The following EHMT1 variants were observed in gnomAD, a reference collection of about 807,000 sequenced individuals.
EHMT1 encodes histone-lysine N-methyltransferase EHMT1.
In EHMT1, 15 loss-of-function variants were observed where a neutral mutation model predicts 147.2. That is an observed-to-expected ratio of 0.10 (90% CI 0.07 to 0.16). The LOEUF (loss-of-function observed/expected upper bound fraction) is 0.16, where lower values mean the gene tolerates loss of function less well. Among genes scored for constraint, EHMT1 ranks in the 10% least tolerant of loss-of-function variants. EHMT1 has a pLI of 1.00. For missense variants in EHMT1, 1,587 were observed against 1,772.4 expected (o/e 0.90, Z 1.88); for synonymous variants, 795 against 709.6 (o/e 1.12, Z -1.91).
chr9:137,832,411 C>T (rs1441769112), intron 25 of EHMT1, among the ~76,000 whole-genome samples: 6 of 150,914 alleles, frequency 4.0e-5, no homozygotes, highest in African/African-American at 1.5e-4. Context: ...CCGCCTCCCA[C>T]GTGGCCACTG....
intron 4 of EHMT1, among the ~76,000 whole-genome samples, chr9:137,733,469 A>G (rs1380408090): frequency 6.6e-6 from 1 of 152,194 alleles, no homozygotes; most frequent in Non-Finnish European, 1.5e-5. Context: ...TGATGTAACT[A>G]TTTTGGAACT....
intron 1 of EHMT1, among the ~76,000 whole-genome samples, chr9:137,706,312 C>T (rs1424323416): frequency 6.6e-6 from 1 of 152,220 alleles, no homozygotes; most frequent in African/African-American, 2.4e-5. Flanking sequence ...AGTTTGCTCA[C>T]TCCAGCTAGG....
intron 1 of EHMT1, among the ~76,000 whole-genome samples, chr9:137,631,961 G>A (rs551624825): frequency 6.6e-6 from 1 of 152,308 alleles, no homozygotes; most frequent in Non-Finnish European, 1.5e-5. Context: ...TAGTAGGGTA[G>A]TGCACTGCCT....
intron 22 of EHMT1, 58 bp downstream of exon 22, chr9:137,814,566 C>CA (rs1289151298): frequency 1.9e-6 from 3 of 1,573,646 alleles, no homozygotes; most frequent in Non-Finnish European, 2.6e-6. Flanking sequence ...TCCGGGTCTG[C>CA]AAAAACAGTG....
chr9:137,668,691 T>A (rs539399601), intron 1 of EHMT1, among the ~76,000 whole-genome samples: 2 of 152,126 alleles, frequency 1.3e-5, no homozygotes, highest in Non-Finnish European at 2.9e-5. Context: ...CTGTTCTCTG[T>A]TGTCTTTCGT....
chr9:137,659,817 TC>T (rs112034813), intron 1 of EHMT1, among the ~76,000 whole-genome samples: 5 of 152,202 alleles, frequency 3.3e-5, no homozygotes, highest in African/African-American at 1.2e-4. Context: ...GCTCAAGTGA[TC>T]CGCCCACCTC....
chr9:137,653,930 T>A (rs889961885), intron 1 of EHMT1, among the ~76,000 whole-genome samples: 1 of 152,204 alleles, frequency 6.6e-6, no homozygotes, highest in Non-Finnish European at 1.5e-5. Context: ...TCAGAAGGTA[T>A]CCCCATTGCT....
intron 1 of EHMT1, among the ~76,000 whole-genome samples, chr9:137,647,265 G>A (rs1844963036): frequency 6.6e-6 from 1 of 152,106 alleles, no homozygotes; most frequent in Admixed American, 6.5e-5. Context: ...CGTGCCCCAG[G>A]CTGACCTCTT....
In EHMT1 at chr9:137,812,349, C is replaced by CA. The variant is rs562747024; in HGVS notation, c.2868-651dup. On this transcript the variant is annotated intron_variant, in intron 19 of 26. Coordinates refer to ENST00000460843, the MANE Select transcript of EHMT1 (RefSeq NM_024757.5). ...GTGAGATTCTGTCTCAAAAAAAACC[C>CA]AAAAAACAAAAAAAGCTTGAGACCT... 1.3e-4 allele frequency among the ~76,000 whole-genome samples: 20 copies of CA among 151,004 alleles called. No homozygotes were observed. In the East Asian group the frequency reaches 3.5e-3, roughly 26 times the overall value.
chr9:137,703,844 C>T (rs1284323672), intron 1 of EHMT1, among the ~76,000 whole-genome samples: 1 of 152,112 alleles, frequency 6.6e-6, no homozygotes, highest in Non-Finnish European at 1.5e-5. Flanking sequence ...CCTACTTCTC[C>T]AGTACCAATT....
Position 137,731,941 on chromosome 9 carries a change from G to A in EHMT1, c.823+3412G>A, listed in dbSNP as rs1947147350. ...AGCAGTTTACACTGCAGGCGCTGGC[G>A]TCTAGATGAGGGGAACACGGTGGTG... On this transcript the variant is annotated intron_variant, in intron 4 of 26. Transcript: ENST00000460843. This position sits in a 1 kb window ranked among gnomAD's most constrained non-coding sequence, Gnocchi z 4.3. 6.6e-6 allele frequency among the ~76,000 whole-genome samples: 1 copy of A among 152,222 alleles called. No individual in the cohort carries two copies. Among genetic ancestry groups the A allele is most frequent in the African/African-American group, 2.4e-5 (1 of 41,462 alleles).
chr9:137,790,876 A>G lies in EHMT1; in HGVS notation c.2411A>G (p.Glu804Gly). The G allele has an allele frequency of 1.2e-6, 2 of 1,614,176 alleles. No homozygotes were observed. Among genetic ancestry groups the G allele is most frequent in the South Asian group, 2.2e-5 (2 of 91,076 alleles). ...QAGANIDTCS[E>G]DQRTPLMEAA... ...GGCGCTAATATTGACACCTGCTCAG[A>G]AGACCAGAGGACCCCGTTGATGGAA... The change falls in exon 16 of 27, where the codon GAA becomes GGA. Residue 804 changes from glutamate to glycine, a missense_variant. By Grantham distance (98) the Glu-to-Gly change is moderately conservative. Transcript: ENST00000460843.
Position 137,649,754 on chromosome 9 carries a change from G to A in EHMT1, c.21+30705G>A, listed in dbSNP as rs144113277. On this transcript the variant is annotated intron_variant, in intron 1 of 26. Transcript: ENST00000460843. The stretch of plus-strand genomic sequence containing the variant: ...CACCACCGGAGCTGGAAGAGGCAAG[G>A]AAGTGCTCTTTTCCTGGAGCCTTCA... 3.8e-3 allele frequency among the ~76,000 whole-genome samples: 585 copies of A among 152,312 alleles called. 2 individuals carry two copies. The highest frequency in any genetic ancestry group is 6.7e-3 in the Non-Finnish European group (459 of 68,022).
In EHMT1 at chr9:137,716,668, C is replaced by T. The variant is rs79514677; in HGVS notation, c.128C>T (p.Ala43Val). Reference protein sequence around the residue: ...AADEGSAEKQAGEAHMAADGE... With the variant: ...AADEGSAEKQVGEAHMAADGE... The stretch of plus-strand genomic sequence containing the variant: ...GATGAAGGCTCAGCAGAGAAACAGG[C>T]AGGAGAGGCCCACATGGCTGCGGAC... Residue 43 changes from alanine (A) to valine (V), a missense_variant, in exon 3 of 27, where the codon GCA becomes GTA. Physicochemically the swap from Ala to Val is moderately conservative, Grantham distance 64. Transcript: ENST00000460843. 1.6e-5 allele frequency: 25 copies of T among 1,596,864 alleles called. No individual in the cohort carries two copies. The highest frequency in any genetic ancestry group is 1.7e-4 in the Middle Eastern group (1 of 6,002).
At chr9:137,795,442 T>G (rs114875725) in intron 16 of EHMT1, among the ~76,000 whole-genome samples, 1 of 44,796 alleles carries the variant, frequency 2.2e-5, no homozygotes, top group Non-Finnish European at 6.3e-5. Context: ...CACACTCACA[T>G]ACACACACAG....
intron 13 of EHMT1, 26 bp from the exon 14 acceptor site, chr9:137,779,609 T>C (rs761541714): frequency 5.6e-6 from 9 of 1,613,180 alleles, no homozygotes; most frequent in Non-Finnish European, 7.6e-6. Flanking sequence ...AGCCCCATGC[T>C]GACTGTTGTC....
Position 137,731,799 on chromosome 9 carries a change from G to A in EHMT1, c.823+3270G>A, listed in dbSNP as rs1411835057. ...GTGGAGCAGCGAGGCGTGTGTTGACGAGCAAGCATGGTGTGGGGCCACTGT... is the reference window on the plus strand; with the variant it reads ...GTGGAGCAGCGAGGCGTGTGTTGACAAGCAAGCATGGTGTGGGGCCACTGT... On this transcript the variant is annotated intron_variant, in intron 4 of 26. Coordinates refer to ENST00000460843, the MANE Select transcript of EHMT1 (RefSeq NM_024757.5). The surrounding 1 kb of genome is among the most constrained non-coding windows in gnomAD (Gnocchi z 4.3). 6.6e-6 allele frequency among the ~76,000 whole-genome samples: 1 copy of A among 152,216 alleles called. No homozygotes were observed. The highest frequency in any genetic ancestry group is 1.5e-5 in the Non-Finnish European group (1 of 68,036).
chr9:137,711,794 G>C (rs907263568), intron 2 of EHMT1, among the ~76,000 whole-genome samples: 1 of 152,188 alleles, frequency 6.6e-6, no homozygotes, highest in Non-Finnish European at 1.5e-5. Context: ...AGTGAAGGGA[G>C]AGTGGTGTTC....
chr9:137,655,982 C>T (rs1405484580), intron 1 of EHMT1, among the ~76,000 whole-genome samples: 1 of 152,144 alleles, frequency 6.6e-6, no homozygotes, highest in Non-Finnish European at 1.5e-5. Context: ...TATGATATAT[C>T]TACTTTATGA....
Sources: gnomAD v4.1 joint callset for allele counts (sites outside exome capture counted in the v4.1 genomes callset) on GRCh38, gnomAD v4.1.1 for gene constraint, Gnocchi (gnomAD v3.1) non-coding constraint, MANE v1.5 for transcripts, NCBI Gene and HGNC (gene_info 2026-07-23, HGNC 2026-07-21) for gene names.